Variants in MAMDC2 observed in about 807,000 individuals in gnomAD.
MAMDC2 encodes MAM domain containing 2.
In MAMDC2, 57 loss-of-function variants were observed where a neutral mutation model predicts 89.8. The observed-to-expected ratio is 0.63, with a 90% confidence interval of 0.51 to 0.79. The LOEUF is 0.79. MAMDC2 is among the 30% of genes least tolerant of loss of function. The pLI is 0.00. For synonymous variants in MAMDC2, 313 were observed against 293.4 expected (o/e 1.07, Z -0.68); for missense variants, 800 against 820.6 (o/e 0.97, Z 0.31).
At chr9:70,128,205 C>T (rs779169145) in intron 6 of MAMDC2, among the ~76,000 whole-genome samples, 3 of 152,208 alleles carry the variant, frequency 2.0e-5, no homozygotes, top group Non-Finnish European at 4.4e-5. Flanking sequence ...ACTGTCTGAA[C>T]AAGAGAACAC....
intron 9 of MAMDC2, among the ~76,000 whole-genome samples, chr9:70,146,938 ATAAATAAAT>A: frequency 6.7e-6 from 1 of 150,212 alleles, no homozygotes; most frequent in South Asian, 2.2e-4. Flanking sequence ...CCATCTAAAA[ATAAATAAAT>A]AAACATCAAG....
intron 11 of MAMDC2, among the ~76,000 whole-genome samples, chr9:70,198,521 G>T (rs1376952499): frequency 2.6e-5 from 4 of 151,976 alleles, no homozygotes. Flanking sequence ...AACTATCCAG[G>T]TTAGTGAGAA....
Position 70,226,304 on chromosome 9 carries a change from A to G in MAMDC2, c.*272A>G, listed in dbSNP as rs1300079633. 2 of 220,510 alleles carry G rather than the reference A, an allele frequency of 9.1e-6. No homozygotes were observed. Among genetic ancestry groups the G allele is most frequent in the Non-Finnish European group, 1.8e-5 (2 of 112,840 alleles). The allele number at this position is 220,510 out of a possible 1,614,324, so 13.7% of individuals were successfully genotyped here. A position where few individuals can be genotyped will look rare whatever the true frequency, so the allele number is the denominator to read the frequency against. ...TACCAGTTAAAAATACAAATGTACT[A>G]TATTGTAGTCATTTTAAAGTACACA... is the stretch of plus-strand genomic sequence containing the variant. On this transcript the variant is annotated 3_prime_UTR_variant, in exon 14 of 14. Transcript: ENST00000377182.
intron 2 of MAMDC2, among the ~76,000 whole-genome samples, chr9:70,068,813 C>T (rs1426567467): frequency 1.3e-5 from 2 of 150,360 alleles, no homozygotes; most frequent in Non-Finnish European, 2.9e-5. Context: ...AGGACAGATA[C>T]AAGCATGTCT....
chr9:70,199,651 G>C (rs1304650418), intron 11 of MAMDC2, among the ~76,000 whole-genome samples: 1 of 70,584 alleles, frequency 1.4e-5, no homozygotes, highest in East Asian at 3.7e-4. Flanking sequence ...GGTTGAACTA[G>C]TTTACAGTCC....
At chr9:70,156,006 G>T (rs977331684) in intron 9 of MAMDC2, among the ~76,000 whole-genome samples, 28 of 152,144 alleles carry the variant, frequency 1.8e-4, no homozygotes, top group Admixed American at 2.6e-4. Context: ...ATGTAAATCA[G>T]AATGTCATGT....
chr9:70,044,290 G>A, intron 1 of MAMDC2, 59 bp downstream of exon 1: 1 of 1,569,854 alleles, frequency 6.4e-7, no homozygotes, highest in Non-Finnish European at 8.7e-7. Flanking sequence ...CCCCGCTCCT[G>A]CTGCCCCCGG....
At chr9:70,155,920 T>C (rs567402984) in intron 9 of MAMDC2, among the ~76,000 whole-genome samples, 1 of 152,314 alleles carries the variant, frequency 6.6e-6, no homozygotes, top group East Asian at 1.9e-4. Context: ...GGGTTTTACT[T>C]GTTGGAATGG....
intron 11 of MAMDC2, among the ~76,000 whole-genome samples, chr9:70,205,488 A>T (rs1189577203): frequency 6.6e-6 from 1 of 152,158 alleles, no homozygotes; most frequent in African/African-American, 2.4e-5. Context: ...TCCATTCCAC[A>T]CAGCCTCTCC....
intron 9 of MAMDC2, among the ~76,000 whole-genome samples, chr9:70,149,795 A>G (rs2118444154): frequency 6.6e-6 from 1 of 152,300 alleles, no homozygotes; most frequent in African/African-American, 2.4e-5. Context: ...AATAACCACA[A>G]TAAAAGCAAA....
intron 7 of MAMDC2, among the ~76,000 whole-genome samples, chr9:70,132,872 A>G (rs188112190): frequency 1.3e-5 from 2 of 152,346 alleles, no homozygotes; most frequent in African/African-American, 4.8e-5. Flanking sequence ...ACTAGACAGC[A>G]ATCTACTAAT....
At chr9:70,148,882 A>G (rs1489906770) in intron 9 of MAMDC2, among the ~76,000 whole-genome samples, 1 of 149,394 alleles carries the variant, frequency 6.7e-6, no homozygotes, top group East Asian at 1.9e-4. Context: ...ACAAAAAATT[A>G]GCCGGGCGTG....
At chr9:70,123,807 C>G (rs1028925747) in intron 5 of MAMDC2, among the ~76,000 whole-genome samples, 3 of 152,116 alleles carry the variant, frequency 2.0e-5, no homozygotes, top group Non-Finnish European at 4.4e-5. Flanking sequence ...CAAGGAATGC[C>G]AAAGATTGCC....
chr9:70,087,618 C>G (rs1263353436), intron 2 of MAMDC2: 1 of 152,134 alleles, frequency 6.6e-6, no homozygotes, highest in East Asian at 1.9e-4. Context: ...AAGCCTGGGT[C>G]ATGTAACCAT....
intron 2 of MAMDC2, among the ~76,000 whole-genome samples, chr9:70,054,547 T>C (rs910702806): frequency 7.2e-5 from 11 of 152,316 alleles, no homozygotes; most frequent in Middle Eastern, 3.4e-3. Context: ...GGTTCAACCA[T>C]ACCTACAAAG....
rs886648737 is a variant in MAMDC2 at position 70,060,775 on chromosome 9, T to A, written c.148+16078T>A. Among the ~76,000 whole-genome samples, 11 of 152,260 alleles carry A rather than the reference T, an allele frequency of 7.2e-5. 1 individual carries two copies. The highest frequency in any genetic ancestry group is 3.4e-3 in the Middle Eastern group (1 of 294). On this transcript the variant is annotated intron_variant, in intron 2 of 13. Transcript: ENST00000377182. ...AATCCTTAACTAATCTGTGGCTAGG[T>A]CTTCCCAGTCCCAGATGTTGAATTG...
At chr9:70,118,481 A>G (rs946502747) in intron 5 of MAMDC2, among the ~76,000 whole-genome samples, 1 of 152,224 alleles carries the variant, frequency 6.6e-6, no homozygotes, top group African/African-American at 2.4e-5. Context: ...GATCCGTATC[A>G]TTCTTTAAAA....
At chr9:70,175,714 C>T (rs1255853528) in intron 11 of MAMDC2, 1 of 152,080 alleles carries the variant, frequency 6.6e-6, no homozygotes, top group East Asian at 1.9e-4. Flanking sequence ...ACAAAATATC[C>T]CAGACTGGGT....
At chr9:70,053,854 GTATC>G (rs1462315117) in intron 2 of MAMDC2, among the ~76,000 whole-genome samples, 1 of 152,146 alleles carries the variant, frequency 6.6e-6, no homozygotes, top group Non-Finnish European at 1.5e-5. Context: ...GGCTACCCAT[GTATC>G]TAAGGAAGAG....
Sources: allele counts gnomAD v4.1 joint callset (sites outside exome capture counted in the v4.1 genomes callset), GRCh38; gene constraint gnomAD v4.1.1; transcripts MANE v1.5; gene names NCBI Gene and HGNC (gene_info 2026-07-23, HGNC 2026-07-21).